Variants in CHST11 observed in about 807,000 individuals in gnomAD.
CHST11 encodes the protein carbohydrate sulfotransferase 11.
Under a neutral mutation model 30.4 loss-of-function variants are expected in CHST11, and 9 were observed. The ratio of observed to expected loss-of-function variants is 0.30; its 90% CI spans 0.18 to 0.52. The LOEUF (loss-of-function observed/expected upper bound fraction) is 0.52. Among genes scored for constraint, CHST11 ranks in the 20% least tolerant of loss-of-function variants. The pLI, the probability that CHST11 is intolerant of heterozygous loss-of-function variation, is 0.97. For synonymous variants in CHST11, 152 were observed against 187.8 expected (o/e 0.81, Z 1.56); for missense variants, 348 against 460.6 (o/e 0.76, Z 2.24).
intron 2 of CHST11, among the ~76,000 whole-genome samples, chr12:104,707,927 C>T (rs1243130072): frequency 6.6e-6 from 1 of 152,236 alleles, no homozygotes; most frequent in African/African-American, 2.4e-5. Context: ...TAGACACATG[C>T]AGGCATGCAC....
At chr12:104,646,205 C>T (rs946951033) in intron 2 of CHST11, among the ~76,000 whole-genome samples, 1 of 152,202 alleles carries the variant, frequency 6.6e-6, no homozygotes, top group Non-Finnish European at 1.5e-5. Flanking sequence ...AGTCTGCCCT[C>T]CTTCCATGCC....
intron 2 of CHST11, among the ~76,000 whole-genome samples, chr12:104,745,273 G>T (rs1028787138): frequency 1.3e-5 from 2 of 152,086 alleles, no homozygotes; most frequent in East Asian, 1.9e-4. Flanking sequence ...CCTATTTCTG[G>T]GTTCTCTATT....
At position 104,757,603 on chromosome 12, in the gene CHST11, A is replaced by G; in HGVS notation, c.859A>G (p.Asn287Asp). The stretch of plus-strand genomic sequence containing the variant: ...GTACGAGACACTGGAAGAGGATTCT[A>G]ATTACGTCCTGCAGCTGGCAGGAGT... ...GKYETLEEDS[N>D]YVLQLAGVGS... The change falls in exon 3 of 3, where the codon AAT becomes GAT. Residue 287 changes from asparagine to aspartate, a missense_variant. Coordinates refer to ENST00000303694, the MANE Select transcript of CHST11 (RefSeq NM_018413.6). This position sits in a 1 kb window ranked among gnomAD's most constrained non-coding sequence, Gnocchi z 6.5. 6.2e-7 allele frequency: 1 copy of G among 1,614,144 alleles called. No homozygotes were observed. The highest frequency in any genetic ancestry group is 1.1e-5 in the South Asian group (1 of 91,084).
At chr12:104,602,130 TC>T in intron 2 of CHST11, 139 bp downstream of exon 2, 1 of 640,082 alleles carries the variant, frequency 1.6e-6, no homozygotes, top group South Asian at 1.9e-5. Context: ...GGTTGCTTTC[TC>T]CGTCACCCTT....
At chr12:104,705,158 G>A (rs1170359532) in intron 2 of CHST11, among the ~76,000 whole-genome samples, 9 of 152,096 alleles carry the variant, frequency 5.9e-5, no homozygotes, top group Non-Finnish European at 1.0e-4. Context: ...TGCTGCCTAC[G>A]GAGCCTGCTT....
intron 1 of CHST11, among the ~76,000 whole-genome samples, chr12:104,581,204 G>A (rs545332453): frequency 6.6e-6 from 1 of 152,306 alleles, no homozygotes; most frequent in East Asian, 1.9e-4. Context: ...GATCCCAAGG[G>A]TGTTGGCCTT....
At chr12:104,663,700 G>A (rs7132905) in intron 2 of CHST11, among the ~76,000 whole-genome samples, 43,669 of 152,038 alleles carry the variant, frequency 0.29, 6,642 homozygotes, top group Middle Eastern at 0.35. Context: ...GCATTGTGCC[G>A]TTGTAGAGAG....
chr12:104,706,803 G>C (rs2040039739), intron 2 of CHST11, among the ~76,000 whole-genome samples: 1 of 152,124 alleles, frequency 6.6e-6, no homozygotes, highest in African/African-American at 2.4e-5. Flanking sequence ...ATATTTTAAT[G>C]TCCCAGGGGG....
chr12:104,613,129 G>A (rs2039075299), intron 2 of CHST11, among the ~76,000 whole-genome samples: 1 of 151,856 alleles, frequency 6.6e-6, no homozygotes, highest in South Asian at 2.1e-4. Context: ...AGAGACTGAG[G>A]GAGGTCAGGT....
chr12:104,750,554 C>T (rs2040422948), intron 2 of CHST11, among the ~76,000 whole-genome samples: 1 of 148,924 alleles, frequency 6.7e-6, no homozygotes, highest in Admixed American at 6.8e-5. Context: ...TGATTTTCCC[C>T]TGCCTCAGCC....
At chr12:104,640,766 C>A (rs1438173861) in intron 2 of CHST11, among the ~76,000 whole-genome samples, 1 of 152,150 alleles carries the variant, frequency 6.6e-6, no homozygotes, top group Admixed American at 6.5e-5. Context: ...TCAGTCACAA[C>A]ATATGTACCA....
chr12:104,502,587 G>A (rs749864808), intron 1 of CHST11, among the ~76,000 whole-genome samples: 25 of 152,230 alleles, frequency 1.6e-4, no homozygotes, highest in Middle Eastern at 3.4e-3. Context: ...CCTACTCCCC[G>A]CATCTGAGAA....
chr12:104,734,675 T>C (rs1411204634), intron 2 of CHST11, among the ~76,000 whole-genome samples: 1 of 152,128 alleles, frequency 6.6e-6, no homozygotes, highest in Non-Finnish European at 1.5e-5. Context: ...CTTCACCCCA[T>C]GGGATACCCA....
intron 1 of CHST11, among the ~76,000 whole-genome samples, chr12:104,592,719 G>A (rs1185103625): frequency 6.6e-6 from 1 of 152,120 alleles, no homozygotes; most frequent in African/African-American, 2.4e-5. Flanking sequence ...AAAGTCATTG[G>A]ACTAGGTGGT....
intron 2 of CHST11, among the ~76,000 whole-genome samples, chr12:104,639,816 T>G (rs1463393950): frequency 6.6e-6 from 1 of 152,022 alleles, no homozygotes; most frequent in Non-Finnish European, 1.5e-5. Context: ...CCAGCTTGTG[T>G]TTGCAAAACA....
chr12:104,659,164 G>A (rs1355381132), intron 2 of CHST11, among the ~76,000 whole-genome samples: 1 of 152,202 alleles, frequency 6.6e-6, no homozygotes, highest in Non-Finnish European at 1.5e-5. Context: ...CTGGGATGAT[G>A]CCATGGATAA....
chr12:104,509,093 C>G lies in CHST11; in HGVS notation c.118+51564C>G, dbSNP rs75134026. ...TAACATTTTCCCCACCCAAATCCATCTTGAATTGTGGGAAGGATCCTGTGG... is the reference window on the plus strand; with the variant it reads ...TAACATTTTCCCCACCCAAATCCATGTTGAATTGTGGGAAGGATCCTGTGG... On this transcript the variant is annotated intron_variant, in intron 1 of 2. Transcript: ENST00000303694. 7.3e-3 allele frequency among the ~76,000 whole-genome samples: 1,119 copies of G among 152,300 alleles called. 12 individuals carry two copies. Among genetic ancestry groups the G allele is most frequent in the African/African-American group, 0.025 (1,054 of 41,564 alleles).
chr12:104,492,328 C>T (rs1233687055), intron 1 of CHST11, among the ~76,000 whole-genome samples: 2 of 152,086 alleles, frequency 1.3e-5, no homozygotes, highest in Non-Finnish European at 2.9e-5. Context: ...GATCTCCTGA[C>T]CTTGTGATCT....
intron 1 of CHST11, among the ~76,000 whole-genome samples, chr12:104,577,234 ATTTTTTTTTTTTTTTT>A (rs34967812): frequency 1.3e-5 from 1 of 74,218 alleles, no homozygotes; most frequent in Non-Finnish European, 2.4e-5. Flanking sequence ...GCAGCCCTTC[ATTTTTTTTTTTTTTTT>A]TTTTTTTTTT....
Sources: gnomAD v4.1 joint callset for allele counts (sites outside exome capture counted in the v4.1 genomes callset) on GRCh38, gnomAD v4.1.1 for gene constraint, Gnocchi (gnomAD v3.1) non-coding constraint, MANE v1.5 for transcripts, NCBI Gene and HGNC (gene_info 2026-07-23, HGNC 2026-07-21) for gene names.